Variants in GGA2 observed in about 807,000 individuals in gnomAD.
GGA2 encodes ADP-ribosylation factor-binding protein GGA2.
A neutral mutation model predicts 79.5 loss-of-function variants in GGA2; 48 were observed. That is an observed-to-expected ratio of 0.60 (90% CI 0.48 to 0.77). The LOEUF is 0.77. Among genes scored for constraint, GGA2 ranks in the 30% least tolerant of loss-of-function variants. The pLI is 0.00. For missense variants in GGA2, 770 were observed against 774.0 expected (o/e 0.99, Z 0.06); for synonymous variants, 317 against 302.0 (o/e 1.05, Z -0.51).
intron 5 of GGA2, among the ~76,000 whole-genome samples, chr16:23,491,134 G>A (rs1209929741): frequency 1.3e-5 from 2 of 151,306 alleles, no homozygotes; most frequent in East Asian, 3.9e-4. Flanking sequence ...GGTGTGGGTG[G>A]GAGAATAATA....
At chr16:23,481,237 G>A (rs188505180) in intron 9 of GGA2, among the ~76,000 whole-genome samples, 197 of 152,204 alleles carry the variant, frequency 1.3e-3, no homozygotes, top group African/African-American at 4.5e-3. Context: ...AAAATCAGCC[G>A]TGGCAGGTGC....
chr16:23,488,847 C>A, intron 5 of GGA2, 138 bp from the exon 6 acceptor site: 2 of 605,364 alleles, frequency 3.3e-6, no homozygotes, highest in Middle Eastern at 4.5e-4. Context: ...AAAGACAACA[C>A]CCAGTGTATG....
chr16:23,489,237 T>C (rs4968011), intron 5 of GGA2, among the ~76,000 whole-genome samples: 129,959 of 152,166 alleles, frequency 0.85, 55,679 homozygotes, highest in Middle Eastern at 0.91. Flanking sequence ...AAATTCACAA[T>C]ATTTTTGTTG....
intron 1 of GGA2, among the ~76,000 whole-genome samples, chr16:23,508,034 G>A (rs1290983140): frequency 2.0e-5 from 3 of 151,568 alleles, no homozygotes; most frequent in Admixed American, 2.0e-4. Flanking sequence ...TCCTCCACCT[G>A]AGGCAGCTAC....
rs985265053 is a variant in GGA2 at position 23,467,689 on chromosome 16, G to A, written c.1743C>T (p.Arg581=). 3 of 1,576,984 alleles carry A rather than the reference G, an allele frequency of 1.9e-6. No individual in the cohort carries two copies. Among genetic ancestry groups the A allele is most frequent in the Admixed American group, 1.7e-5 (1 of 59,978 alleles). Residue 581 remains arginine, a synonymous_variant, in exon 17 of 17, where the codon CGC becomes CGT. Transcript: ENST00000309859. ...GGTTGAATGTCAGCTTGTACCGTAA[G>A]CGGATAGGTTCCTGGGACAGAAGAG... ...LLDNPHKEPI[R]LRYKLTFNQG...
intron 16 of GGA2, among the ~76,000 whole-genome samples, chr16:23,468,665 G>T (rs1964472100): frequency 6.6e-6 from 1 of 151,554 alleles, no homozygotes; most frequent in African/African-American, 2.4e-5. Context: ...GTAGAGATGG[G>T]GTTTCACCAT....
rs748402696 is a variant in GGA2 at position 23,478,517 on chromosome 16, T to C, written c.1159-16A>G. On this transcript the variant is annotated splice_polypyrimidine_tract_variant and intron_variant, in intron 12 of 16. Transcript: ENST00000309859. The stretch of plus-strand genomic sequence containing the variant: ...GACCAGAAACCTGTCAAATCAGGAA[T>C]GGCTAAAATAAGACCAGGGTATGAA... 1.9e-6 allele frequency: 3 copies of C among 1,603,002 alleles called. No individual in the cohort carries two copies. The highest frequency in any genetic ancestry group is 2.7e-5 in the African/African-American group (2 of 74,700).
upstream of GGA2, among the ~76,000 whole-genome samples, chr16:23,515,259 G>T (rs1965096647): frequency 6.6e-6 from 1 of 151,688 alleles, no homozygotes; most frequent in Non-Finnish European, 1.5e-5. Context: ...AGGGGTTCAA[G>T]ATCAGCCTGG....
intron 11 of GGA2, 72 bp downstream of exon 11, chr16:23,479,693 C>T (rs560977885): frequency 5.4e-5 from 84 of 1,555,416 alleles, no homozygotes; most frequent in South Asian, 1.6e-4. Flanking sequence ...GCATGTGCTC[C>T]GCGAAGGGAA....
intron 11 of GGA2, 138 bp from the exon 12 acceptor site, chr16:23,479,049 G>A (rs766564208): frequency 2.5e-5 from 17 of 683,774 alleles, no homozygotes; most frequent in South Asian, 4.8e-5. Flanking sequence ...CATGTGACTC[G>A]TCCATGGCCA....
At chr16:23,493,642 C>T (rs1964818277) in intron 3 of GGA2, 184 bp from the exon 4 acceptor site, 1 of 584,520 alleles carries the variant, frequency 1.7e-6, no homozygotes, top group Non-Finnish European at 3.1e-6. Flanking sequence ...GTCCCCTGTT[C>T]AATCTTGCTA....
intron 1 of GGA2, chr16:23,500,875 A>C: frequency 5.3e-6 from 1 of 187,618 alleles, no homozygotes; most frequent in South Asian, 1.0e-4. Flanking sequence ...TTTTTTGAGA[A>C]AATATCAAAT....
At chr16:23,512,535 CAAGCAAATGAA>C (rs1238387736), upstream of GGA2, among the ~76,000 whole-genome samples, 1 of 146,772 alleles carries the variant, frequency 6.8e-6, no homozygotes, top group Non-Finnish European at 1.5e-5. Context: ...TGTCCACACA[CAAGCAAATGAA>C]TACTGTTCTG....
chr16:23,480,906 T>C, intron 9 of GGA2, 136 bp from the exon 10 acceptor site: 1 of 803,144 alleles, frequency 1.2e-6, no homozygotes, highest in Admixed American at 2.3e-5. Context: ...CTCCAGGTTG[T>C]GTCATCGGAC....
chr16:23,488,122 G>C (rs1216004668), intron 6 of GGA2, among the ~76,000 whole-genome samples: 1 of 152,022 alleles, frequency 6.6e-6, no homozygotes, highest in Non-Finnish European at 1.5e-5. Context: ...CACTGAGAAA[G>C]AGCTGAAGCA....
In GGA2 at chr16:23,468,893, G is replaced by A. The variant is rs776158618; in HGVS notation, c.1724C>T (p.Pro575Leu). 1.9e-6 allele frequency: 3 copies of A among 1,590,712 alleles called. No individual in the cohort carries two copies. The highest frequency in any genetic ancestry group is 2.6e-6 in the Non-Finnish European group (3 of 1,158,920). ...ACAGACACTGGAACATACTTTGTGT[G>A]GATTGTCAAGCAGCAGCATCTGAGA... ...VISQMLLLDN[P>L]HKEPIRLRYK... Residue 575 changes from proline to leucine, a missense_variant, in exon 16 of 17, where the codon CCA becomes CTA. Physicochemically the swap from Pro to Leu is moderately conservative, Grantham distance 98 (BLOSUM62 -3). Coordinates refer to ENST00000309859, the MANE Select transcript of GGA2 (RefSeq NM_015044.4).
At chr16:23,477,684 T>C (rs1268723131) in intron 13 of GGA2, among the ~76,000 whole-genome samples, 2 of 150,500 alleles carry the variant, frequency 1.3e-5, no homozygotes, top group African/African-American at 4.9e-5. Context: ...GAGGCAGAGG[T>C]TGCAGTGAGC....
chr16:23,499,615 C>T (rs1185861320), intron 1 of GGA2, among the ~76,000 whole-genome samples: 1 of 152,100 alleles, frequency 6.6e-6, no homozygotes, highest in Non-Finnish European at 1.5e-5. Flanking sequence ...AATCCCAGAA[C>T]TTTGAGAGGC....
chr16:23,467,833 C>A (rs945289677), intron 16 of GGA2, 133 bp from the exon 17 acceptor site: 4 of 651,144 alleles, frequency 6.1e-6, no homozygotes, highest in Non-Finnish European at 1.1e-5. Flanking sequence ...GGACTACAAA[C>A]AAGGGGAAAC....
Sources: allele counts gnomAD v4.1 joint callset (sites outside exome capture counted in the v4.1 genomes callset), GRCh38; gene constraint gnomAD v4.1.1; transcripts MANE v1.5; gene names NCBI Gene and HGNC (gene_info 2026-07-23, HGNC 2026-07-21).